The following ITGA1 variants were observed in gnomAD, a reference collection of about 807,000 sequenced individuals.
The protein encoded by ITGA1 is integrin subunit alpha 1.
ITGA1 carries 85 observed loss-of-function variants against 145.9 expected under a neutral mutation model. The ratio of observed to expected loss-of-function variants is 0.58; its 90% CI spans 0.49 to 0.70. The LOEUF (loss-of-function observed/expected upper bound fraction) is 0.70, where lower values mean the gene tolerates loss of function less well. Ranked by LOEUF, ITGA1 falls within the 30% of genes least tolerant of loss-of-function variation. The pLI, the probability that ITGA1 is intolerant of heterozygous loss-of-function variation, is 0.00. For synonymous variants in ITGA1, 520 were observed against 495.3 expected (o/e 1.05, Z -0.66); for missense variants, 1,351 against 1,418.7 (o/e 0.95, Z 0.77).
At chr5:52,854,368 A>G (rs142659122) in intron 2 of ITGA1, among the ~76,000 whole-genome samples, 59 of 152,324 alleles carry the variant, frequency 3.9e-4, no homozygotes, top group Admixed American at 1.0e-3. Flanking sequence ...TGCTTATTTT[A>G]CATTGCTTCT....
rs190411999 is a variant in ITGA1, at chr5:52,834,525, G to A, written c.62-14840G>A. On this transcript the variant is annotated intron_variant, in intron 1 of 28. Coordinates refer to ENST00000282588, the MANE Select transcript of ITGA1 (RefSeq NM_181501.2). ...GGAAAAAGAGAGAGAAAGAAGAAAGGGAGAGGAAGAAAGAGAAAGAAAGAG... is the reference window on the plus strand; with the variant it reads ...GGAAAAAGAGAGAGAAAGAAGAAAGAGAGAGGAAGAAAGAGAAAGAAAGAG... Among the ~76,000 whole-genome samples the A allele has an allele frequency of 5.4e-3, 742 of 137,740 alleles. 1 individual carries two copies. Among genetic ancestry groups the A allele is most frequent in the Middle Eastern group, 0.019 (5 of 266 alleles). 90.4% of individuals were successfully genotyped at this position (137,740 alleles called of 152,430 possible). A position where few individuals can be genotyped will look rare whatever the true frequency, so the allele number is the denominator to read the frequency against.
chr5:52,912,206 A>G (rs1750566595), intron 14 of ITGA1, among the ~76,000 whole-genome samples: 1 of 144,352 alleles, frequency 6.9e-6, no homozygotes, highest in Non-Finnish European at 1.5e-5. Context: ...TGTATCTAGT[A>G]TATAGATATG....
chr5:52,841,632 T>G (rs1749254838), intron 1 of ITGA1, among the ~76,000 whole-genome samples: 1 of 152,178 alleles, frequency 6.6e-6, no homozygotes, highest in Admixed American at 6.6e-5. Context: ...TTCCAACCCA[T>G]AAGACTAATA....
rs1561243727 is a variant in ITGA1, at chr5:52,905,844, A to G, written c.1391A>G (p.Gln464Arg). The change falls in exon 12 of 29, where the codon CAG becomes CGG. Residue 464 changes from glutamine to arginine, a missense_variant. Coordinates refer to ENST00000282588, the MANE Select transcript of ITGA1 (RefSeq NM_181501.2). ...AGQPRYNHTG[Q>R]VIIYRMEDGN... Reference sequence around the variant, plus strand: ...CAGCCTCGGTACAATCATACAGGCCAGGTCATTATCTACAGGATGGAAGAT... The same window carrying G: ...CAGCCTCGGTACAATCATACAGGCCGGGTCATTATCTACAGGATGGAAGAT... 1 of 1,613,650 alleles carries G rather than the reference A, an allele frequency of 6.2e-7. No individual in the cohort carries two copies. Among genetic ancestry groups the G allele is most frequent in the Non-Finnish European group, 8.5e-7 (1 of 1,179,792 alleles).
At chr5:52,801,640 C>CA (rs1748488352) in intron 1 of ITGA1, 1 of 1,613,978 alleles carries the variant, frequency 6.2e-7, no homozygotes, top group African/African-American at 1.3e-5. Flanking sequence ...GCTCTTCAGG[C>CA]ATCAGGATGT....
At position 52,937,451 on chromosome 5, in the gene ITGA1, A is replaced by G; in HGVS notation, c.3015A>G (p.Ser1005=). Reference sequence around the variant, plus strand: ...TGCCAGAGCTTAAGCTGTCAATTTCATTCCCCAATATGACATCAAATGGTT... The same window carrying G: ...TGCCAGAGCTTAAGCTGTCAATTTCGTTCCCCAATATGACATCAAATGGTT... The part of the protein sequence containing the change: ...FPMPELKLSI[S]FPNMTSNGYP... The change falls in exon 24 of 29, where the codon TCA becomes TCG. Residue 1005 remains serine (S), a synonymous_variant. Coordinates refer to ENST00000282588, the MANE Select transcript of ITGA1 (RefSeq NM_181501.2). The G allele has an allele frequency of 6.2e-7, 1 of 1,613,882 alleles. No homozygotes were observed. The highest frequency in any genetic ancestry group is 8.5e-7 in the Non-Finnish European group (1 of 1,179,802).
chr5:52,910,596 CAA>C (rs1311274015), intron 14 of ITGA1, among the ~76,000 whole-genome samples, 177 bp downstream of exon 14: 3 of 146,218 alleles, frequency 2.1e-5, no homozygotes, highest in African/African-American at 7.8e-5. Flanking sequence ...TATACACACA[CAA>C]ACAAACTATA....
chr5:52,825,044 C>T (rs564500286), intron 1 of ITGA1: 79 of 152,322 alleles, frequency 5.2e-4, no homozygotes, highest in African/African-American at 1.6e-3. Flanking sequence ...TTGTGAACCA[C>T]TGTCTGTTTC....
intron 24 of ITGA1, 46 bp downstream of exon 24, chr5:52,937,560 C>T: frequency 8.5e-7 from 1 of 1,169,730 alleles, no homozygotes; most frequent in Non-Finnish European, 1.3e-6. Context: ...GTTATCTTTT[C>T]CACTTTATGT....
chr5:52,828,701 G>A (rs1436517351), intron 1 of ITGA1, among the ~76,000 whole-genome samples: 2 of 152,142 alleles, frequency 1.3e-5, no homozygotes, highest in African/African-American at 4.8e-5. Flanking sequence ...TAGAGCTACT[G>A]TACCAAATTA....
intron 1 of ITGA1, among the ~76,000 whole-genome samples, chr5:52,817,691 A>T (rs1748798660): frequency 6.6e-6 from 1 of 152,230 alleles, no homozygotes; most frequent in Non-Finnish European, 1.5e-5. Flanking sequence ...ATCTACCAGA[A>T]TGTTACCCTA....
chr5:52,902,892 T>A (rs1302127871), intron 11 of ITGA1: 1 of 152,144 alleles, frequency 6.6e-6, no homozygotes. Flanking sequence ...TCCATCTTAT[T>A]CTTTTCTTTT....
intron 8 of ITGA1, among the ~76,000 whole-genome samples, chr5:52,888,995 T>G (rs1236088763): frequency 2.6e-5 from 4 of 152,206 alleles, no homozygotes; most frequent in Non-Finnish European, 5.9e-5. Flanking sequence ...GCCACTGCCT[T>G]CTCTCTAGTA....
chr5:52,905,775 A>C lies in ITGA1; in HGVS notation c.1322A>C (p.Asn441Thr), dbSNP rs1750392827. 1.2e-6 allele frequency: 2 copies of C among 1,613,014 alleles called. No individual in the cohort carries two copies. Among genetic ancestry groups the C allele is most frequent in the East Asian group, 4.5e-5 (2 of 44,840 alleles). ...PLASYLGYTV[N>T]SATASSGDVL... ...TTTCTTTTGTTAGGTTACACTGTAA[A>C]CTCTGCTACTGCTTCTTCTGGAGAT... Residue 441 changes from asparagine to threonine, a missense_variant, in exon 12 of 29, where the codon AAC (asparagine) becomes ACC (threonine). Physicochemically the swap from Asn to Thr is moderately conservative, Grantham distance 65. Transcript: ENST00000282588.
At position 52,911,514 on chromosome 5, in the gene ITGA1, A is replaced by C. The variant is rs2111853949; in HGVS notation, c.1857+1095A>C. Among the ~76,000 whole-genome samples, 2 of 127,702 alleles carry C rather than the reference A, an allele frequency of 1.6e-5. 1 individual carries two copies. Among genetic ancestry groups the C allele is most frequent in the South Asian group, 4.8e-4 (2 of 4,180 alleles). 83.8% of individuals were successfully genotyped at this position (127,702 alleles called of 152,430 possible). A position where few individuals can be genotyped will look rare whatever the true frequency, so the allele number is the denominator to read the frequency against. On this transcript the variant is annotated intron_variant, in intron 14 of 28. Coordinates refer to ENST00000282588, the MANE Select transcript of ITGA1 (RefSeq NM_181501.2). ...AGTATATATAGTAGATACACTATAT[A>C]TAGTATATATATCTATATATTAGAT...
At chr5:52,860,029 C>G (rs912878927) in intron 2 of ITGA1, among the ~76,000 whole-genome samples, 1 of 152,150 alleles carries the variant, frequency 6.6e-6, no homozygotes, top group African/African-American at 2.4e-5. Context: ...GCTCCCACAT[C>G]CTGCACTGAT....
rs1338425392 is a variant in ITGA1, at chr5:52,953,595, T to A, written c.*1144T>A. Reference sequence around the variant, plus strand: ...GTGTTGCATCAATATTTAAATAAAATCCCAGAAATGTATTTTAAAGAATTT... The same window carrying A: ...GTGTTGCATCAATATTTAAATAAAAACCCAGAAATGTATTTTAAAGAATTT... On this transcript the variant is annotated 3_prime_UTR_variant, in exon 29 of 29. Coordinates refer to ENST00000282588, the MANE Select transcript of ITGA1 (RefSeq NM_181501.2). The A allele has an allele frequency of 6.6e-6, 1 of 152,180 alleles. No individual in the cohort carries two copies. Among genetic ancestry groups the A allele is most frequent in the Non-Finnish European group, 1.5e-5 (1 of 68,008 alleles). The allele number at this position is 152,180 out of a possible 1,614,324, so 9.4% of individuals were successfully genotyped here. A position where few individuals can be genotyped will look rare whatever the true frequency, so the allele number is the denominator to read the frequency against.
In ITGA1 at chr5:52,883,618, A is replaced by C. The variant is rs112228045; in HGVS notation, c.773+1597A>C. 1.4e-4 allele frequency among the ~76,000 whole-genome samples: 21 copies of C among 152,276 alleles called. No homozygotes were observed. In the South Asian group the frequency reaches 2.1e-3, roughly 15 times the overall value. ...TTTACCTTCATTTTCAGTAAATCCC[A>C]GTTCAAAGTTTTGTGTGTGTGTGTT... On this transcript the variant is annotated intron_variant, in intron 7 of 28. Coordinates refer to ENST00000282588, the MANE Select transcript of ITGA1 (RefSeq NM_181501.2).
At chr5:52,791,600 C>T (rs1748242349) in intron 1 of ITGA1, among the ~76,000 whole-genome samples, 1 of 152,162 alleles carries the variant, frequency 6.6e-6, no homozygotes, top group Non-Finnish European at 1.5e-5. Context: ...AACAGAATAG[C>T]TAGCACAACT....
Sources: allele counts gnomAD v4.1 joint callset (sites outside exome capture counted in the v4.1 genomes callset), GRCh38; gene constraint gnomAD v4.1.1; transcripts MANE v1.5; gene names NCBI Gene and HGNC (gene_info 2026-07-23, HGNC 2026-07-21).